Variants in MAGI1 observed in about 807,000 individuals in gnomAD.
MAGI1 encodes the protein membrane associated guanylate kinase, WW and PDZ domain containing 1.
A neutral mutation model predicts 139.9 loss-of-function variants in MAGI1; 58 were observed. The ratio of observed to expected loss-of-function variants is 0.41; its 90% CI spans 0.34 to 0.52. The LOEUF (loss-of-function observed/expected upper bound fraction) is 0.52, where lower values mean the gene tolerates loss of function less well. Ranked by LOEUF, MAGI1 falls within the 20% of genes least tolerant of loss-of-function variation. MAGI1 has a pLI of 0.12. For missense variants in MAGI1, 1,874 were observed against 1,901.6 expected, an observed-to-expected ratio of 0.99 and a Z score of 0.27; for synonymous variants, 812 against 737.9, an observed-to-expected ratio of 1.10 and a Z score of -1.63.
intron 1 of MAGI1, among the ~76,000 whole-genome samples, chr3:65,936,076 G>GA (rs2063036245): frequency 6.6e-6 from 1 of 152,106 alleles, no homozygotes; most frequent in Non-Finnish European, 1.5e-5. Context: ...GCAGCAGACA[G>GA]AAAAAAGCCA....
At chr3:65,458,747 C>T (rs974319835) in intron 5 of MAGI1, among the ~76,000 whole-genome samples, 1 of 152,024 alleles carries the variant, frequency 6.6e-6, no homozygotes, top group East Asian at 1.9e-4. Flanking sequence ...ATATTTTCTC[C>T]CATTCTGTGG....
intron 2 of MAGI1, among the ~76,000 whole-genome samples, chr3:65,511,745 A>G (rs1427630249): frequency 2.0e-5 from 3 of 149,968 alleles, no homozygotes; most frequent in African/African-American, 7.4e-5. Flanking sequence ...AGACAGATCA[A>G]CGACACAGAA....
chr3:65,822,695 TAGA>T (rs533498486), intron 1 of MAGI1, among the ~76,000 whole-genome samples: 1 of 152,160 alleles, frequency 6.6e-6, no homozygotes, highest in African/African-American at 2.4e-5. Context: ...ACAATCATGG[TAGA>T]AGGTGAAGGG....
intron 1 of MAGI1, among the ~76,000 whole-genome samples, chr3:65,952,640 C>T (rs939640547): frequency 1.3e-5 from 2 of 152,146 alleles, no homozygotes; most frequent in Non-Finnish European, 2.9e-5. Flanking sequence ...CAGTAAAACC[C>T]CATCTCTACT....
intron 1 of MAGI1, among the ~76,000 whole-genome samples, chr3:65,858,405 A>G (rs780816847): frequency 6.6e-6 from 1 of 152,198 alleles, no homozygotes; most frequent in Non-Finnish European, 1.5e-5. Context: ...CAACACATCA[A>G]TGGGTCTCTG....
intron 1 of MAGI1, among the ~76,000 whole-genome samples, chr3:65,778,307 G>A (rs1396809600): frequency 6.6e-6 from 1 of 151,936 alleles, no homozygotes; most frequent in Non-Finnish European, 1.5e-5. Flanking sequence ...GCGGGTGCCT[G>A]TAATCCCAGC....
chr3:65,773,331 AAGACTGGTCT>A (rs141088991), intron 1 of MAGI1, among the ~76,000 whole-genome samples: 11,468 of 152,056 alleles, frequency 0.075, 486 homozygotes, highest in African/African-American at 0.11. Context: ...CCAGGAGTTC[AAGACTGGTCT>A]AGTCAACACA....
At chr3:65,841,214 CT>C (rs1168142794) in intron 1 of MAGI1, among the ~76,000 whole-genome samples, 1 of 151,798 alleles carries the variant, frequency 6.6e-6, no homozygotes, top group Non-Finnish European at 1.5e-5. Context: ...TTTTATTGAA[CT>C]TTTCAAAGAA....
At chr3:65,616,472 A>G (rs1397019803) in intron 2 of MAGI1, among the ~76,000 whole-genome samples, 1 of 152,240 alleles carries the variant, frequency 6.6e-6, no homozygotes, top group Non-Finnish European at 1.5e-5. Context: ...TAGAGATGAC[A>G]TGATAGAGAA....
At chr3:65,363,252 C>G (rs1008727041) in intron 21 of MAGI1, among the ~76,000 whole-genome samples, 1 of 152,166 alleles carries the variant, frequency 6.6e-6, no homozygotes, top group Non-Finnish European at 1.5e-5. Context: ...ATATCAACCC[C>G]AAAGAGTTGG....
At chr3:65,987,187 C>T (rs1030459372) in intron 1 of MAGI1, among the ~76,000 whole-genome samples, 2 of 152,098 alleles carry the variant, frequency 1.3e-5, no homozygotes, top group African/African-American at 4.8e-5. Context: ...GATTTTAAGC[C>T]TACCTGTCAA....
chr3:65,587,472 CTTTT>C lies in MAGI1; in HGVS notation c.430+34496_430+34499del, dbSNP rs1376663736. On this transcript the variant is annotated intron_variant, in intron 2 of 22. Coordinates refer to ENST00000402939, the MANE Select transcript of MAGI1 (RefSeq NM_001033057.2). ...TCTTTGCCATTTTATTTTATTATTA[CTTTT>C]TTCTTTTTTTTTTTTTTTTTTTTTT... 3.8e-3 allele frequency among the ~76,000 whole-genome samples: 531 copies of C among 141,482 alleles called. 7 individuals carry two copies. Among genetic ancestry groups the C allele is most frequent in the Non-Finnish European group, 6.4e-3 (422 of 66,000 alleles). 92.8% of individuals were successfully genotyped at this position (141,482 alleles called of 152,430 possible). A position where few individuals can be genotyped will look rare whatever the true frequency, so the allele number is the denominator to read the frequency against.
chr3:65,955,114 CAGAA>C (rs1452774631), intron 1 of MAGI1, among the ~76,000 whole-genome samples: 1 of 151,902 alleles, frequency 6.6e-6, no homozygotes, highest in Admixed American at 6.6e-5. Context: ...GAGACAGAGA[CAGAA>C]AGAGAGAATG....
chr3:65,792,829 A>G (rs2039878904), intron 1 of MAGI1, among the ~76,000 whole-genome samples: 1 of 152,114 alleles, frequency 6.6e-6, no homozygotes, highest in African/African-American at 2.4e-5. Context: ...TTTTCAGACC[A>G]CAGTTGACCG....
At chr3:65,796,725 A>G (rs1014059356) in intron 1 of MAGI1, among the ~76,000 whole-genome samples, 1 of 152,210 alleles carries the variant, frequency 6.6e-6, no homozygotes, top group Non-Finnish European at 1.5e-5. Context: ...TATTTCAACT[A>G]TAATAAGGTG....
intron 1 of MAGI1, among the ~76,000 whole-genome samples, chr3:65,998,856 G>C (rs1035347596): frequency 6.6e-6 from 1 of 152,158 alleles, no homozygotes; most frequent in Non-Finnish European, 1.5e-5. Context: ...ATAGCTTGTA[G>C]GGTTAGTGTT....
rs117964856 is a variant in MAGI1, at chr3:66,033,018, C to T, written c.313+4978G>A. 4.2e-4 allele frequency among the ~76,000 whole-genome samples: 63 copies of T among 151,494 alleles called. No homozygotes were observed. The East Asian group carries it at 0.012, about 30-fold the overall frequency. On this transcript the variant is annotated intron_variant, in intron 1 of 22. Transcript: ENST00000402939. ...CAGGGTGAGGGAATGGCACTTTACT[C>T]AGGGAGCTATCTTTTGTGTGTGTGT...
intron 2 of MAGI1, among the ~76,000 whole-genome samples, chr3:65,610,732 A>C (rs1576471398): frequency 1.6e-5 from 1 of 60,882 alleles, no homozygotes. Flanking sequence ...AGGTACAAAT[A>C]TAGTATATAG....
chr3:65,991,288 TAAAAAAAAAAAAAAAAGGTAA>T (rs2066157970), intron 1 of MAGI1, among the ~76,000 whole-genome samples: 2 of 85,988 alleles, frequency 2.3e-5, no homozygotes, highest in Non-Finnish European at 4.6e-5. Context: ...AGACTCTGTC[TAAAAAAAAAAAAAAAAGGTAA>T]AAAAAAAAAA....
Sources: allele counts gnomAD v4.1 joint callset (sites outside exome capture counted in the v4.1 genomes callset), GRCh38; gene constraint gnomAD v4.1.1; transcripts MANE v1.5; gene names NCBI Gene and HGNC (gene_info 2026-07-23, HGNC 2026-07-21).